The following LATS2 variants were observed in gnomAD, a reference collection of about 807,000 sequenced individuals.
LATS2 encodes the protein large tumor suppressor kinase 2.
LATS2 carries 24 observed loss-of-function variants against 76.0 expected under a neutral mutation model. The observed-to-expected ratio is 0.32, with a 90% CI of 0.23 to 0.44. The LOEUF is 0.44. Ranked by LOEUF, LATS2 falls within the 20% of genes least tolerant of loss-of-function variation. The pLI, the probability that LATS2 is intolerant of heterozygous loss-of-function variation, is 1.00. For missense variants in LATS2, 1,286 were observed against 1,481.2 expected (o/e 0.87, Z 2.16); for synonymous variants, 692 against 635.4 (o/e 1.09, Z -1.34).
intron 4 of LATS2, 114 bp downstream of exon 4, chr13:20,987,767 C>T (rs1393382044): frequency 1.6e-6 from 2 of 1,233,492 alleles, no homozygotes; most frequent in Non-Finnish European, 2.3e-6. Context: ...CGCCCATTAG[C>T]CGTTTTGATG....
At chr13:20,996,825 G>T (rs1000613657) in intron 2 of LATS2, among the ~76,000 whole-genome samples, 13 of 152,180 alleles carry the variant, frequency 8.5e-5, no homozygotes, top group African/African-American at 3.1e-4. Flanking sequence ...AGTCTGACGG[G>T]CTCTTACCTG....
intron 2 of LATS2, among the ~76,000 whole-genome samples, chr13:21,007,869 C>T (rs1871421584): frequency 7.1e-6 from 1 of 141,136 alleles, no homozygotes; most frequent in Non-Finnish European, 1.5e-5. Flanking sequence ...AAGCGATCCT[C>T]CTGCCTCAGC....
chr13:20,994,955 A>T lies in LATS2; in HGVS notation c.343-3551T>A, dbSNP rs61952475. On this transcript the variant is annotated intron_variant, in intron 2 of 7. Coordinates refer to ENST00000382592, the MANE Select transcript of LATS2 (RefSeq NM_014572.3). Reference sequence around the variant, plus strand: ...GAATCGTAGGTGGCTATTCCAAAAGATGGCAGGATGGCGCAGTGGTACAGG... The same window carrying T: ...GAATCGTAGGTGGCTATTCCAAAAGTTGGCAGGATGGCGCAGTGGTACAGG... Among the ~76,000 whole-genome samples the T allele has an allele frequency of 7.0e-3, 1,062 of 152,276 alleles. 4 individuals carry two copies. The highest frequency in any genetic ancestry group is 0.027 in the Middle Eastern group (8 of 294).
Position 20,983,640 on chromosome 13 carries a change from T to A in LATS2, c.2066A>T (p.Asp689Val). ...CTTCATGGCGTACAGGGCGTGAGTG[T>A]CCACCTTACAAGCAAGGCACACTTC... ...FGEVCLACKV[D>V]THALYAMKTL... Residue 689 changes from aspartate to valine, a missense_variant, in exon 5 of 8, where the codon GAC becomes GTC. This residue lies in a region of LATS2 where 247 missense variants were observed against 385.4 expected (regional missense o/e 0.64). Coordinates refer to ENST00000382592, the MANE Select transcript of LATS2 (RefSeq NM_014572.3). 1 of 1,614,060 alleles carries A rather than the reference T, an allele frequency of 6.2e-7. No homozygotes were observed. The highest frequency in any genetic ancestry group is 1.7e-5 in the Admixed American group (1 of 60,004).
At chr13:21,027,905 CATTT>C (rs564571455) in intron 2 of LATS2, among the ~76,000 whole-genome samples, 61 of 151,950 alleles carry the variant, frequency 4.0e-4, no homozygotes, top group Non-Finnish European at 7.6e-4. Context: ...ATACTCTCTC[CATTT>C]ATTTATTTAT....
At chr13:21,053,505 A>G (rs1408096764) in intron 1 of LATS2, among the ~76,000 whole-genome samples, 1 of 152,042 alleles carries the variant, frequency 6.6e-6, no homozygotes, top group African/African-American at 2.4e-5. Flanking sequence ...AGGCCCACGC[A>G]ACATCTGTTG....
intron 2 of LATS2, among the ~76,000 whole-genome samples, chr13:21,007,906 C>T (rs1050134676): frequency 4.8e-5 from 7 of 146,882 alleles, no homozygotes; most frequent in African/African-American, 1.8e-4. Flanking sequence ...ATTACAGATG[C>T]GAATCATCAC....
rs1347818139 is a variant in LATS2, at chr13:21,023,686, A to G, written c.342+21999T>C. 9.9e-5 allele frequency among the ~76,000 whole-genome samples: 8 copies of G among 80,432 alleles called. 1 individual carries two copies. The highest frequency in any genetic ancestry group is 1.9e-4 in the Non-Finnish European group (8 of 42,002). The allele number at this position is 80,432 out of a possible 152,430, so 52.8% of individuals were successfully genotyped here. ...AAAAAAAAAAAAAAAAAAAAAAACAAACCTCGGCCGGGCGCAGTGGCTGAC... is the reference window on the plus strand; with the variant it reads ...AAAAAAAAAAAAAAAAAAAAAAACAGACCTCGGCCGGGCGCAGTGGCTGAC... On this transcript the variant is annotated intron_variant, in intron 2 of 7. Coordinates refer to ENST00000382592, the MANE Select transcript of LATS2 (RefSeq NM_014572.3).
chr13:21,003,516 A>G (rs911803383), intron 2 of LATS2, among the ~76,000 whole-genome samples: 1 of 151,176 alleles, frequency 6.6e-6, no homozygotes, highest in Non-Finnish European at 1.5e-5. Context: ...TCTTGGCTCA[A>G]TGCAACTTCC....
rs1256975579 is a variant in LATS2 at position 20,973,716 on chromosome 13, G to GT, written c.*1153_*1154insA. The GT allele has an allele frequency of 8.7e-6, 2 of 230,234 alleles. No individual in the cohort carries two copies. Among genetic ancestry groups the GT allele is most frequent in the Non-Finnish European group, 1.7e-5 (2 of 116,098 alleles). The allele number at this position is 230,234 out of a possible 1,614,324, so 14.3% of individuals were successfully genotyped here. The stretch of plus-strand genomic sequence containing the variant: ...CAAAAAAAAAGTGAGAGAACCATTA[G>GT]ATCACTCAGTTTCCTGACAGTAACA... On this transcript the variant is annotated 3_prime_UTR_variant, in exon 8 of 8. Coordinates refer to ENST00000382592, the MANE Select transcript of LATS2 (RefSeq NM_014572.3).
rs1274409476 is a variant in LATS2 at position 20,991,417 on chromosome 13, T to C, written c.343-13A>G. ...GGCCAGCCATCTCCTGGGAGGGAAG[T>C]AAAGGAGAGGTAAGTGCATGTCATC... On this transcript the variant is annotated splice_polypyrimidine_tract_variant and intron_variant, in intron 2 of 7. Transcript: ENST00000382592. The surrounding 1 kb of genome is among the most constrained non-coding windows in gnomAD (Gnocchi z 4.9). The C allele has an allele frequency of 1.2e-6, 2 of 1,613,830 alleles. No homozygotes were observed. The highest frequency in any genetic ancestry group is 1.1e-5 in the South Asian group (1 of 91,074).
At chr13:21,011,867 T>C (rs1297848302) in intron 2 of LATS2, among the ~76,000 whole-genome samples, 1 of 152,218 alleles carries the variant, frequency 6.6e-6, no homozygotes, top group Non-Finnish European at 1.5e-5. Context: ...GGCTAGATGG[T>C]ATAGCATATT....
At chr13:21,012,357 C>CT (rs2138343379) in intron 2 of LATS2, among the ~76,000 whole-genome samples, 1 of 152,240 alleles carries the variant, frequency 6.6e-6, no homozygotes, top group South Asian at 2.1e-4. Context: ...GTGCCCAGTG[C>CT]TGTAGGTTTG....
rs377579860 is a variant in LATS2 at position 20,988,667 on chromosome 13, C to T, written c.1113G>A (p.Pro371=). The change falls in exon 4 of 8, where the codon CCG becomes CCA. Residue 371 remains proline (P), a synonymous_variant. Transcript: ENST00000382592. ...ELGSTSVQQW[P]AATLARRDSL... ...AGTCCCGGCGGGCCAGGGTGGCAGC[C>T]GGCCACTGCTGGACGGAGGTGCTGC... The T allele has an allele frequency of 1.3e-6, 2 of 1,575,636 alleles. No homozygotes were observed. The highest frequency in any genetic ancestry group is 1.4e-5 in the African/African-American group (1 of 73,612).
intron 2 of LATS2, among the ~76,000 whole-genome samples, chr13:21,022,532 T>C (rs1223361970): frequency 6.6e-6 from 1 of 152,226 alleles, no homozygotes; most frequent in Non-Finnish European, 1.5e-5. Flanking sequence ...CACTGGCCCT[T>C]GTTCTAACCA....
At chr13:21,002,748 A>G (rs1008769426) in intron 2 of LATS2, among the ~76,000 whole-genome samples, 1 of 152,102 alleles carries the variant, frequency 6.6e-6, no homozygotes, top group Non-Finnish European at 1.5e-5. Flanking sequence ...GCTGAAGTAC[A>G]GTGGTGCAAT....
At chr13:21,014,309 C>T (rs1032995762) in intron 2 of LATS2, among the ~76,000 whole-genome samples, 2 of 151,942 alleles carry the variant, frequency 1.3e-5, no homozygotes, top group South Asian at 2.1e-4. Flanking sequence ...GCATTGCAGC[C>T]GGCCACTCTC....
At chr13:21,050,181 A>T in intron 1 of LATS2, among the ~76,000 whole-genome samples, 1 of 58,370 alleles carries the variant, frequency 1.7e-5, no homozygotes, top group Non-Finnish European at 4.5e-5. Context: ...CATAGATGGA[A>T]AGCTGCTGAA....
intron 2 of LATS2, chr13:21,005,636 A>C (rs1470780049): frequency 6.6e-6 from 1 of 152,174 alleles, no homozygotes; most frequent in Non-Finnish European, 1.5e-5. Flanking sequence ...TGCTGGGAAC[A>C]CTACCTTAGG....
Sources: allele counts gnomAD v4.1 joint callset (sites outside exome capture counted in the v4.1 genomes callset), GRCh38; gene constraint gnomAD v4.1.1; regional missense constraint gnomAD v4.1.1; non-coding constraint Gnocchi (gnomAD v3.1); transcripts MANE v1.5; gene names NCBI Gene and HGNC (gene_info 2026-07-23, HGNC 2026-07-21).